PTPRM: variants seen among roughly 807,000 people sequenced by gnomAD.
PTPRM encodes protein tyrosine phosphatase receptor type M, also known as receptor-type tyrosine-protein phosphatase mu.
PTPRM carries 47 observed loss-of-function variants against 186.7 expected under a neutral mutation model. That is an observed-to-expected ratio of 0.25 (90% CI 0.20 to 0.32). The LOEUF (loss-of-function observed/expected upper bound fraction) is 0.32. PTPRM is among the 10% of genes least tolerant of loss of function. The pLI is 1.00. For missense variants in PTPRM, 1,494 were observed against 1,865.0 expected, an observed-to-expected ratio of 0.80 and a Z score of 3.66; for synonymous variants, 668 against 674.9, an observed-to-expected ratio of 0.99 and a Z score of 0.16.
chr18:7,691,509 G>A (rs184333521), intron 1 of PTPRM, among the ~76,000 whole-genome samples: 496 of 152,214 alleles, frequency 3.3e-3, no homozygotes, highest in Admixed American at 6.4e-3. Context: ...GTATTTCGGT[G>A]CCTTTTCTTT....
chr18:7,854,391 A>C (rs965553376), intron 2 of PTPRM, among the ~76,000 whole-genome samples: 2 of 152,272 alleles, frequency 1.3e-5, no homozygotes, highest in African/African-American at 4.8e-5. Context: ...TTCTTAACTT[A>C]TGTAAGAATC....
chr18:7,617,658 C>T (rs560615861), intron 1 of PTPRM, among the ~76,000 whole-genome samples: 93 of 152,150 alleles, frequency 6.1e-4, no homozygotes, highest in African/African-American at 2.0e-3. Flanking sequence ...GGGTTTGCAC[C>T]AAGCTTAAAC....
chr18:8,184,230 A>G (rs1286818888), intron 14 of PTPRM, among the ~76,000 whole-genome samples: 1 of 152,182 alleles, frequency 6.6e-6, no homozygotes, highest in Non-Finnish European at 1.5e-5. Flanking sequence ...CTTGAGCTCC[A>G]GCATTTTGCC....
At chr18:7,965,299 G>C (rs2053960105) in intron 7 of PTPRM, among the ~76,000 whole-genome samples, 1 of 152,080 alleles carries the variant, frequency 6.6e-6, no homozygotes, top group African/African-American at 2.4e-5. Flanking sequence ...ACCCGCCTTG[G>C]CCTCCCAAAG....
At chr18:7,806,498 G>A (rs907373988) in intron 2 of PTPRM, among the ~76,000 whole-genome samples, 3 of 152,098 alleles carry the variant, frequency 2.0e-5, no homozygotes, top group African/African-American at 7.2e-5. Context: ...TTGGGGAAAG[G>A]GGAGTCTACA....
chr18:8,129,168 A>G (rs182204649), intron 13 of PTPRM, among the ~76,000 whole-genome samples: 252 of 152,350 alleles, frequency 1.7e-3, no homozygotes, highest in Middle Eastern at 6.8e-3. Context: ...AGATTTTTGC[A>G]TGAAAGATTT....
At chr18:7,706,799 T>A (rs2144750979) in intron 1 of PTPRM, among the ~76,000 whole-genome samples, 1 of 152,156 alleles carries the variant, frequency 6.6e-6, no homozygotes, top group Non-Finnish European at 1.5e-5. Flanking sequence ...TACACTTAAA[T>A]ATACTATAAA....
intron 1 of PTPRM, among the ~76,000 whole-genome samples, chr18:7,733,549 T>G (rs2040706268): frequency 6.6e-6 from 1 of 152,174 alleles, no homozygotes; most frequent in African/African-American, 2.4e-5. Context: ...TAAACATACG[T>G]GTGCATGTGT....
At chr18:8,036,841 C>T (rs1381977455) in intron 7 of PTPRM, among the ~76,000 whole-genome samples, 1 of 152,268 alleles carries the variant, frequency 6.6e-6, no homozygotes. Context: ...GTTGTTGTGG[C>T]TCAAAGATGG....
At position 7,939,580 on chromosome 18, in the gene PTPRM, A is replaced by T. The variant is rs897789902; in HGVS notation, c.664-9601A>T. ...CATTTGAAGATACTCTTGCTTTTAT[A>T]AAGAGCTGTATTTAACCCGGTCAGA... On this transcript the variant is annotated intron_variant, in intron 5 of 32. Transcript: ENST00000580170. 3.3e-5 allele frequency among the ~76,000 whole-genome samples: 5 copies of T among 152,208 alleles called. No individual in the cohort carries two copies. The South Asian group carries it at 1.0e-3, about 31-fold the overall frequency.
chr18:8,020,993 T>C (rs754056524), intron 7 of PTPRM, among the ~76,000 whole-genome samples: 30 of 152,138 alleles, frequency 2.0e-4, no homozygotes, highest in Non-Finnish European at 3.7e-4. Context: ...CAGTGCAGTA[T>C]TGGGACTTGG....
intron 14 of PTPRM, among the ~76,000 whole-genome samples, chr18:8,174,695 T>A (rs1337003791): frequency 6.6e-6 from 1 of 152,154 alleles, no homozygotes; most frequent in Non-Finnish European, 1.5e-5. Context: ...CATACTTTTT[T>A]TAAAAAAAAT....
chr18:8,295,516 T>C (rs1223416484), intron 19 of PTPRM, among the ~76,000 whole-genome samples: 2 of 152,158 alleles, frequency 1.3e-5, no homozygotes, highest in East Asian at 1.9e-4. Flanking sequence ...ATTCATCTGC[T>C]CACCCTTCAT....
intron 23 of PTPRM, among the ~76,000 whole-genome samples, chr18:8,366,094 C>T (rs1011834476): frequency 2.6e-5 from 4 of 152,166 alleles, no homozygotes; most frequent in Non-Finnish European, 4.4e-5. Context: ...CCTCCCTCCC[C>T]CCAGCTAAGT....
At chr18:7,845,094 C>A (rs2046527255) in intron 2 of PTPRM, among the ~76,000 whole-genome samples, 1 of 152,164 alleles carries the variant, frequency 6.6e-6, no homozygotes, top group Non-Finnish European at 1.5e-5. Context: ...GAACAGTTCT[C>A]TGAGGCACTG....
At chr18:8,318,832 C>G (rs2095327482) in intron 21 of PTPRM, among the ~76,000 whole-genome samples, 1 of 152,244 alleles carries the variant, frequency 6.6e-6, no homozygotes, top group South Asian at 2.1e-4. Flanking sequence ...ATCCCAAACA[C>G]AAATGAAATT....
At chr18:7,739,162 G>A (rs1050311857) in intron 1 of PTPRM, among the ~76,000 whole-genome samples, 6 of 151,702 alleles carry the variant, frequency 4.0e-5, no homozygotes, top group South Asian at 2.1e-4. Context: ...TCTAATTTTC[G>A]CTCACCTCAT....
At chr18:7,973,643 G>T (rs1049583024) in intron 7 of PTPRM, among the ~76,000 whole-genome samples, 1 of 151,922 alleles carries the variant, frequency 6.6e-6, no homozygotes, top group African/African-American at 2.4e-5. Flanking sequence ...TCTACCATTT[G>T]CTGTTGACTT....
chr18:8,378,324 T>C lies in PTPRM; in HGVS notation c.3522T>C (p.Ser1174=), dbSNP rs781272779. ...AAGCCTGTCTTTGTGGGGACACCTC[T>C]GTGCCTGCTTCCCAAGTTAGGTCTC... ...ILEACLCGDT[S]VPASQVRSLY... The change falls in exon 27 of 33, where the codon TCT becomes TCC. Residue 1174 remains serine (S), a synonymous_variant. Coordinates refer to ENST00000580170, the MANE Select transcript of PTPRM (RefSeq NM_001105244.2). 1 of 1,613,152 alleles carries C rather than the reference T, an allele frequency of 6.2e-7. No individual in the cohort carries two copies. The highest frequency in any genetic ancestry group is 1.7e-5 in the Admixed American group (1 of 60,032).
Sources: gnomAD v4.1 joint callset for allele counts (sites outside exome capture counted in the v4.1 genomes callset) on GRCh38, gnomAD v4.1.1 for gene constraint, MANE v1.5 for transcripts, NCBI Gene and HGNC (gene_info 2026-07-23, HGNC 2026-07-21) for gene names.